The following MTERF4 variants were observed in gnomAD, a reference collection of about 807,000 sequenced individuals.
MTERF4 encodes mitochondrial transcription termination factor 4, also known as transcription termination factor 4, mitochondrial.
MTERF4 carries 17 observed loss-of-function variants against 22.5 expected under a neutral mutation model. That is an observed-to-expected ratio of 0.75 (90% confidence interval 0.52 to 1.13). The LOEUF (loss-of-function observed/expected upper bound fraction) is 1.13, where lower values mean the gene tolerates loss of function less well. Ranked by LOEUF, MTERF4 falls within the 50% of genes most tolerant of loss-of-function variation. The pLI, the probability that MTERF4 is intolerant of heterozygous loss-of-function variation, is 0.00. For synonymous variants in MTERF4, 165 were observed against 175.3 expected (o/e 0.94, Z 0.47); for missense variants, 420 against 466.8 (o/e 0.90, Z 0.92).
the MTERF4 span, chr2:241,065,243 A>T: frequency 1.9e-6 from 3 of 1,584,798 alleles, no homozygotes; most frequent in Non-Finnish European, 2.6e-6. Flanking sequence ...GGAGCCAGGC[A>T]TGCATAGCTA....
chr2:241,069,640 C>T (rs10171729), downstream of MTERF4, among the ~76,000 whole-genome samples: 45,352 of 152,076 alleles, frequency 0.3, 8,920 homozygotes, highest in African/African-American at 0.54. This position sits in a 1 kb window ranked among gnomAD's most constrained non-coding sequence, Gnocchi z 4.9. Context: ...CCGACTGTGC[C>T]GCAGGGAGGG....
the MTERF4 span, among the ~76,000 whole-genome samples, chr2:241,058,006 T>C: frequency 6.6e-6 from 1 of 152,058 alleles, no homozygotes; most frequent in Non-Finnish European, 1.5e-5. Context: ...ATGGACTAAC[T>C]CTCCAGGTGA....
At chr2:241,064,046 T>C in the MTERF4 span, 1 of 1,562,284 alleles carries the variant, frequency 6.4e-7, no homozygotes, top group Admixed American at 1.9e-5. The surrounding 1 kb of genome is among the most constrained non-coding windows in gnomAD (Gnocchi z 7.0). Flanking sequence ...CCTGCCAGCA[T>C]GGAGGCCGGT....
intron 2 of MTERF4, among the ~76,000 whole-genome samples, chr2:241,097,994 T>C (rs140140457): frequency 2.0e-5 from 3 of 152,110 alleles, no homozygotes; most frequent in African/African-American, 7.2e-5. Context: ...ATATATCTTC[T>C]CCAAGCCAGG....
the MTERF4 span, among the ~76,000 whole-genome samples, chr2:241,056,579 A>ATTTTTTTTT: frequency 1.6e-4 from 14 of 87,698 alleles, no homozygotes; most frequent in African/African-American, 8.8e-4. Flanking sequence ...GAATAAGTGA[A>ATTTTTTTTT]ATTTTTTTTT....
chr2:241,046,571 T>A, the MTERF4 span, among the ~76,000 whole-genome samples: 1 of 152,204 alleles, frequency 6.6e-6, no homozygotes, highest in Admixed American at 6.5e-5. Flanking sequence ...CCTGTATGGT[T>A]CCACTAAATG....
chr2:241,049,902 G>A, the MTERF4 span: 3 of 1,613,690 alleles, frequency 1.9e-6, no homozygotes, highest in East Asian at 2.2e-5. Flanking sequence ...GCGAGTGCCC[G>A]CGCGGGTTCC....
chr2:241,100,821 G>A (rs907924017), intron 1 of MTERF4, among the ~76,000 whole-genome samples: 3 of 152,164 alleles, frequency 2.0e-5, no homozygotes, highest in Admixed American at 2.0e-4. Context: ...GGAGTCAAAC[G>A]TTATACACTG....
downstream of MTERF4, chr2:241,088,397 C>G (rs373759751): frequency 1.9e-6 from 3 of 1,611,892 alleles, no homozygotes; most frequent in Non-Finnish European, 2.5e-6. Flanking sequence ...CTGGAGAAAT[C>G]TTAAGGTACG....
intron 4 of MTERF4, among the ~76,000 whole-genome samples, chr2:241,081,993 A>G (rs1316876895): frequency 6.6e-6 from 1 of 152,174 alleles, no homozygotes; most frequent in African/African-American, 2.4e-5. Flanking sequence ...GGTGCTGCCC[A>G]TCACGGGGGT....
downstream of MTERF4, among the ~76,000 whole-genome samples, chr2:241,067,435 C>T (rs2062503429): frequency 6.6e-6 from 1 of 152,234 alleles, no homozygotes; most frequent in Non-Finnish European, 1.5e-5. Context: ...GTCCGGGTTA[C>T]TCATGTCCAG....
chr2:241,044,154 G>A, the MTERF4 span, among the ~76,000 whole-genome samples: 1 of 152,174 alleles, frequency 6.6e-6, no homozygotes, highest in African/African-American at 2.4e-5. Context: ...AAAGAAAGAA[G>A]TGGGACAAGT....
At chr2:241,062,572 T>A in the MTERF4 span, among the ~76,000 whole-genome samples, 1 of 152,180 alleles carries the variant, frequency 6.6e-6, no homozygotes, top group Non-Finnish European at 1.5e-5. Context: ...TGGGGTGGTT[T>A]CAAGCCCGCC....
chr2:241,092,216 G>A (rs540615881), downstream of MTERF4: 3 of 152,288 alleles, frequency 2.0e-5, no homozygotes, highest in Non-Finnish European at 2.9e-5. The surrounding 1 kb of genome is among the most constrained non-coding windows in gnomAD (Gnocchi z 4.6). Context: ...CGTGCAGGTC[G>A]ACGAGCCATC....
At chr2:241,092,966 C>G (rs1208933411), downstream of MTERF4, 2 of 152,278 alleles carry the variant, frequency 1.3e-5, no homozygotes, top group African/African-American at 4.8e-5. The surrounding 1 kb of genome is among the most constrained non-coding windows in gnomAD (Gnocchi z 4.6). Flanking sequence ...AGCCAGCATT[C>G]CAGCCACAAA....
At chr2:241,049,700 C>T in the MTERF4 span, 1 of 707,114 alleles carries the variant, frequency 1.4e-6, no homozygotes, top group South Asian at 1.6e-5. Context: ...TTTTCAGTGG[C>T]CTTGGTTCCA....
the MTERF4 span, among the ~76,000 whole-genome samples, chr2:241,054,801 G>A: frequency 6.6e-6 from 1 of 152,210 alleles, no homozygotes; most frequent in African/African-American, 2.4e-5. Context: ...GAAAGAAGCA[G>A]GGAAAGATAA....
the MTERF4 span, chr2:241,051,711 C>T: frequency 7.0e-7 from 1 of 1,434,232 alleles, no homozygotes; most frequent in Non-Finnish European, 9.2e-7. The surrounding 1 kb of genome is among the most constrained non-coding windows in gnomAD (Gnocchi z 4.7). Context: ...GCAGCCTGGC[C>T]CCGTTCATCT....
chr2:241,100,415 T>A (rs1039586617), intron 1 of MTERF4, among the ~76,000 whole-genome samples: 1 of 152,218 alleles, frequency 6.6e-6, no homozygotes, highest in African/African-American at 2.4e-5. Context: ...AAAGACCTTA[T>A]GAGGATCTAC....
Sources: gnomAD v4.1 joint callset for allele counts (sites outside exome capture counted in the v4.1 genomes callset) on GRCh38, gnomAD v4.1.1 for gene constraint, Gnocchi (gnomAD v3.1) non-coding constraint, MANE v1.5 for transcripts, NCBI Gene and HGNC (gene_info 2026-07-23, HGNC 2026-07-21) for gene names.